Variants in SKAP2 observed in about 807,000 individuals in gnomAD.
SKAP2 encodes the protein src kinase associated phosphoprotein 2.
A neutral mutation model predicts 54.9 loss-of-function variants in SKAP2; 28 were observed. The ratio of observed to expected loss-of-function variants is 0.51; its 90% CI spans 0.38 to 0.70. The LOEUF is 0.70. Ranked by LOEUF, SKAP2 falls within the 30% of genes least tolerant of loss-of-function variation. The pLI is 0.00. For missense variants in SKAP2, 356 were observed against 424.1 expected (o/e 0.84, Z 1.41); for synonymous variants, 137 against 134.3 (o/e 1.02, Z -0.14).
intron 4 of SKAP2, among the ~76,000 whole-genome samples, chr7:26,815,319 A>G (rs569251026): frequency 6.6e-6 from 1 of 152,286 alleles, no homozygotes; most frequent in East Asian, 1.9e-4. Flanking sequence ...GAGAGCTACT[A>G]AAGAACTAGA....
intron 9 of SKAP2, among the ~76,000 whole-genome samples, chr7:26,718,384 TTATATG>T (rs1245761995): frequency 6.6e-6 from 1 of 152,016 alleles, no homozygotes; most frequent in Non-Finnish European, 1.5e-5. Flanking sequence ...TTTAAAACTT[TTATATG>T]TATATGTATA....
At chr7:26,722,882 A>G (rs2127954805) in intron 9 of SKAP2, among the ~76,000 whole-genome samples, 1 of 152,320 alleles carries the variant, frequency 6.6e-6, no homozygotes, top group Admixed American at 6.5e-5. Flanking sequence ...CTTCAAATAC[A>G]TTTGTATACC....
At chr7:26,816,623 T>A (rs997904953) in intron 4 of SKAP2, among the ~76,000 whole-genome samples, 2 of 152,060 alleles carry the variant, frequency 1.3e-5, no homozygotes, top group Non-Finnish European at 2.9e-5. Flanking sequence ...TATAAGTATG[T>A]GTTGATGCAC....
intron 9 of SKAP2, among the ~76,000 whole-genome samples, chr7:26,713,894 C>G (rs185957632): frequency 6.6e-6 from 1 of 151,966 alleles, no homozygotes; most frequent in East Asian, 1.9e-4. Flanking sequence ...CCATCGCGCC[C>G]GACCTAAGAT....
chr7:26,841,465 A>G (rs915519327), intron 4 of SKAP2, among the ~76,000 whole-genome samples: 2 of 152,044 alleles, frequency 1.3e-5, no homozygotes, highest in South Asian at 2.1e-4. Context: ...ATTATGCATT[A>G]TTCTCCTTGG....
intron 11 of SKAP2, among the ~76,000 whole-genome samples, chr7:26,672,751 A>G (rs1335465054): frequency 6.6e-6 from 1 of 152,022 alleles, no homozygotes; most frequent in Non-Finnish European, 1.5e-5. Flanking sequence ...CTGCAAATAC[A>G]GGAGCTTTTT....
chr7:26,852,806 G>A (rs1785072758), intron 3 of SKAP2, among the ~76,000 whole-genome samples: 1 of 152,138 alleles, frequency 6.6e-6, no homozygotes, highest in Non-Finnish European at 1.5e-5. Flanking sequence ...AAGCCACAAA[G>A]CACAATGCAA....
At chr7:26,820,562 C>T (rs1257662272) in intron 4 of SKAP2, among the ~76,000 whole-genome samples, 1 of 152,094 alleles carries the variant, frequency 6.6e-6, no homozygotes, top group African/African-American at 2.4e-5. Flanking sequence ...TACTTTCCTA[C>T]TATCTAACAG....
At chr7:26,744,961 T>C (rs754253546) in intron 4 of SKAP2, among the ~76,000 whole-genome samples, 2 of 152,216 alleles carry the variant, frequency 1.3e-5, no homozygotes, top group Non-Finnish European at 2.9e-5. Context: ...GCCTTATTTT[T>C]ACTATTTTAT....
intron 1 of SKAP2, among the ~76,000 whole-genome samples, chr7:26,862,328 C>G (rs1203369865): frequency 6.6e-6 from 1 of 151,816 alleles, no homozygotes; most frequent in Non-Finnish European, 1.5e-5. Flanking sequence ...TTTTTAAAAC[C>G]TGAAAAACAC....
chr7:26,779,922 T>C (rs1783391144), intron 4 of SKAP2, among the ~76,000 whole-genome samples: 1 of 152,018 alleles, frequency 6.6e-6, no homozygotes, highest in Non-Finnish European at 1.5e-5. Context: ...CTGACTAAGC[T>C]CTTATGTACA....
rs375243215 is a variant in SKAP2 at position 26,824,307 on chromosome 7, A to C, written c.307+19723T>G. 5.3e-5 allele frequency among the ~76,000 whole-genome samples: 8 copies of C among 152,324 alleles called. No individual in the cohort carries two copies. The East Asian group carries it at 1.5e-3, about 29-fold the overall frequency. ...GTGTGGGGTTTTGTAGACATAATGCACACAATAGTGTGCTGGGAGGTAATA... is the reference window on the plus strand; with the variant it reads ...GTGTGGGGTTTTGTAGACATAATGCCCACAATAGTGTGCTGGGAGGTAATA... On this transcript the variant is annotated intron_variant, in intron 4 of 12. Transcript: ENST00000345317.
chr7:26,755,848 C>A (rs527889226), intron 4 of SKAP2, among the ~76,000 whole-genome samples: 1 of 152,176 alleles, frequency 6.6e-6, no homozygotes, highest in Non-Finnish European at 1.5e-5. Flanking sequence ...TCCACTCACC[C>A]CGTTTTGGGG....
intron 4 of SKAP2, among the ~76,000 whole-genome samples, chr7:26,786,135 C>A (rs767782548): frequency 6.6e-6 from 1 of 152,142 alleles, no homozygotes; most frequent in Admixed American, 6.5e-5. Flanking sequence ...AGGGCTGTAC[C>A]GGCAATTCTA....
chr7:26,845,349 A>T (rs1313799587), intron 3 of SKAP2, among the ~76,000 whole-genome samples: 2 of 152,198 alleles, frequency 1.3e-5, no homozygotes, highest in Non-Finnish European at 2.9e-5. Flanking sequence ...ATAATTTTTT[A>T]AAAATACATA....
At chr7:26,677,456 C>A (rs1268705836) in intron 11 of SKAP2, among the ~76,000 whole-genome samples, 2 of 151,558 alleles carry the variant, frequency 1.3e-5, no homozygotes, top group Non-Finnish European at 2.9e-5. Context: ...GCTCTATGCT[C>A]CCCTTTCATC....
rs536772505 is a variant in SKAP2, at chr7:26,791,666, C to A, written c.308-51702G>T. On this transcript the variant is annotated intron_variant, in intron 4 of 12. Coordinates refer to ENST00000345317, the MANE Select transcript of SKAP2 (RefSeq NM_003930.5). ...GCAGTAGAATTAAAAGGCAATATAG[C>A]CATTAAAACACCTAACTAGAAGGAC... 5.3e-5 allele frequency among the ~76,000 whole-genome samples: 8 copies of A among 152,082 alleles called. No individual in the cohort carries two copies. In the South Asian group the frequency reaches 1.7e-3, roughly 32 times the overall value.
intron 9 of SKAP2, among the ~76,000 whole-genome samples, chr7:26,693,060 G>T (rs77991756): frequency 0.11 from 16,808 of 152,096 alleles, 1,238 homozygotes; most frequent in African/African-American, 0.2. Context: ...GGCTGGGCAT[G>T]GTCGGTCACG....
chr7:26,775,693 C>A lies in SKAP2; in HGVS notation c.308-35729G>T, dbSNP rs146892769. ...TATAACTACAACCACCTCCCTCCCA[C>A]GCCCCCTTCCCTAAATTCTGGCAAC... is the stretch of plus-strand genomic sequence containing the variant. On this transcript the variant is annotated intron_variant, in intron 4 of 12. Coordinates refer to ENST00000345317, the MANE Select transcript of SKAP2 (RefSeq NM_003930.5). Among the ~76,000 whole-genome samples the A allele has an allele frequency of 2.9e-3, 444 of 152,168 alleles. 4 individuals carry two copies. The highest frequency in any genetic ancestry group is 0.01 in the African/African-American group (426 of 41,514).
Sources: allele counts gnomAD v4.1 joint callset (sites outside exome capture counted in the v4.1 genomes callset), GRCh38; gene constraint gnomAD v4.1.1; transcripts MANE v1.5; gene names NCBI Gene and HGNC (gene_info 2026-07-23, HGNC 2026-07-21).